SART3: variants seen among roughly 807,000 people sequenced by gnomAD.
SART3 encodes the protein spliceosome associated factor 3, U4/U6 recycling protein.
Under a neutral mutation model 122.3 loss-of-function variants are expected in SART3, and 44 were observed. That is an observed-to-expected ratio of 0.36 (90% CI 0.28 to 0.46). The LOEUF (loss-of-function observed/expected upper bound fraction) is 0.46, where lower values mean the gene tolerates loss of function less well. Among genes scored for constraint, SART3 ranks in the 20% least tolerant of loss-of-function variants. SART3 has a pLI of 1.00. For synonymous variants in SART3, 442 were observed against 454.0 expected, an observed-to-expected ratio of 0.97 and a Z score of 0.34; for missense variants, 1,101 against 1,229.0, an observed-to-expected ratio of 0.90 and a Z score of 1.56.
At chr12:108,557,217 T>TG (rs1411644972) in intron 1 of SART3, among the ~76,000 whole-genome samples, 2 of 143,986 alleles carry the variant, frequency 1.4e-5, no homozygotes, top group African/African-American at 2.6e-5. Flanking sequence ...TTTTTTTTTT[T>TG]TTTTTTTTTT....
At position 108,530,316 on chromosome 12, in the gene SART3, A is replaced by G. The variant is rs1004986979; in HGVS notation, c.1747-6T>C. The G allele has an allele frequency of 1.2e-6, 2 of 1,613,968 alleles. No individual in the cohort carries two copies. The highest frequency in any genetic ancestry group is 1.7e-6 in the Non-Finnish European group (2 of 1,180,026). On this transcript the variant is annotated splice_polypyrimidine_tract_variant and splice_region_variant and intron_variant, in intron 14 of 18. Transcript: ENST00000546815. ...GCTGCTTCCTTCTCTGCAGCCTAGA[A>G]AAGTGGGAAGATGATGCATCGCTGG...
At chr12:108,525,047 C>A (rs1033102998) in intron 17 of SART3, among the ~76,000 whole-genome samples, 2 of 152,180 alleles carry the variant, frequency 1.3e-5, no homozygotes, top group Non-Finnish European at 2.9e-5. Flanking sequence ...GAAGGAAAGA[C>A]AGGAGAAGAG....
In SART3 at chr12:108,523,320, T is replaced by C. The variant is rs541019395; in HGVS notation, c.*137A>G. On this transcript the variant is annotated 3_prime_UTR_variant, in exon 19 of 19. Coordinates refer to ENST00000546815, the MANE Select transcript of SART3 (RefSeq NM_014706.4). ...TTGACTTAGAACCCCTTCCCCTTTCTGTCTAAAGCCGAGGAGCCATCTGTG... is the reference window on the plus strand; with the variant it reads ...TTGACTTAGAACCCCTTCCCCTTTCCGTCTAAAGCCGAGGAGCCATCTGTG... 383 of 903,436 alleles carry C rather than the reference T, an allele frequency of 4.2e-4. 5 individuals carry two copies. In the South Asian group the frequency reaches 5.0e-3, roughly 12 times the overall value. 56.0% of individuals were successfully genotyped at this position (903,436 alleles called of 1,614,324 possible). A position where few individuals can be genotyped will look rare whatever the true frequency, so the allele number is the denominator to read the frequency against.
intron 17 of SART3, 47 bp from the exon 18 acceptor site, chr12:108,524,553 G>A (rs2303632): frequency 1.3e-6 from 2 of 1,583,430 alleles, no homozygotes; most frequent in African/African-American, 1.3e-5. Flanking sequence ...GCAGACTAGG[G>A]ACGCAACCTC....
chr12:108,524,555 C>A, intron 17 of SART3, 49 bp from the exon 18 acceptor site: 1 of 1,560,092 alleles, frequency 6.4e-7, no homozygotes, highest in Non-Finnish European at 8.8e-7. Context: ...AGACTAGGGA[C>A]GCAACCTCCT....
Position 108,526,417 on chromosome 12 carries a change from C to T in SART3, c.2052G>A (p.Lys684=). ...DVEPPSKQKE[K]AASLKRDMPK... ...GCATGTCCCTCTTCAGGGAGGCTGC[C>T]TTCTCCTTCTGCTTCGAAGGGGGCT... The change falls in exon 16 of 19, where the codon AAG becomes AAA. Residue 684 remains lysine, a synonymous_variant. Coordinates refer to ENST00000546815, the MANE Select transcript of SART3 (RefSeq NM_014706.4). 1 of 1,614,162 alleles carries T rather than the reference C, an allele frequency of 6.2e-7. No homozygotes were observed. The highest frequency in any genetic ancestry group is 8.5e-7 in the Non-Finnish European group (1 of 1,180,026).
chr12:108,525,480 TG>T lies in SART3; in HGVS notation c.2499del (p.Thr834ProfsTer25). The part of the protein sequence containing the change: ...AHGTVKDLRL[V>X]TNRAGKPKGL... The stretch of plus-strand genomic sequence containing the variant: ...ACCTTTGGTTTGCCAGCCCGGTTGG[TG>T]ACCAGCCTGAGGTCCTTCACGGTGC... On this transcript the variant is annotated frameshift_variant, in exon 17 of 19. Coordinates refer to ENST00000546815, the MANE Select transcript of SART3 (RefSeq NM_014706.4). LOFTEE classifies it high-confidence loss of function. 6.2e-7 allele frequency: 1 copy of T among 1,614,220 alleles called. No homozygotes were observed. The highest frequency in any genetic ancestry group is 8.5e-7 in the Non-Finnish European group (1 of 1,180,040).
chr12:108,526,449 C>T lies in SART3; in HGVS notation c.2020G>A (p.Asp674Asn). The T allele has an allele frequency of 1.2e-6, 2 of 1,614,228 alleles. No homozygotes were observed. Among genetic ancestry groups the T allele is most frequent in the Non-Finnish European group, 1.7e-6 (2 of 1,180,050 alleles). ...TTCTGCTTCGAAGGGGGCTCCACAT[C>T]TACGGCAGCACATTTCCCAGCGGGC... The part of the protein sequence containing the change: ...AGPAGKCAAV[D>N]VEPPSKQKEK... Residue 674 changes from aspartate (D) to asparagine (N), a missense_variant, in exon 16 of 19, where the codon GAT (aspartate) becomes AAT (asparagine). Coordinates refer to ENST00000546815, the MANE Select transcript of SART3 (RefSeq NM_014706.4).
chr12:108,534,675 T>A (rs1482143955), intron 12 of SART3, among the ~76,000 whole-genome samples: 1 of 151,824 alleles, frequency 6.6e-6, no homozygotes, highest in Non-Finnish European at 1.5e-5. Flanking sequence ...ACTCCCCACC[T>A]CCCCCGAAAA....
chr12:108,532,139 C>T, intron 13 of SART3, 83 bp downstream of exon 13: 2 of 1,184,144 alleles, frequency 1.7e-6, no homozygotes, highest in South Asian at 2.5e-5. Context: ...CAGTCTGTCC[C>T]CAGACTGTAA....
At chr12:108,547,329 T>A (rs564435185) in intron 3 of SART3, among the ~76,000 whole-genome samples, 1 of 152,322 alleles carries the variant, frequency 6.6e-6, no homozygotes, top group South Asian at 2.1e-4. Flanking sequence ...CAGCTCTGTA[T>A]CTGGACTGCA....
intron 18 of SART3, 170 bp downstream of exon 18, chr12:108,524,146 C>T: frequency 1.4e-6 from 1 of 700,680 alleles, no homozygotes. Context: ...TTGCATCCTG[C>T]TCTGGACGCC....
At chr12:108,551,860 A>G (rs1398406228) in intron 1 of SART3, among the ~76,000 whole-genome samples, 1 of 152,216 alleles carries the variant, frequency 6.6e-6, no homozygotes, top group Non-Finnish European at 1.5e-5. Context: ...CAGGTCAAAG[A>G]GGAAGTCTCC....
At chr12:108,548,260 T>A (rs921052059) in intron 2 of SART3, among the ~76,000 whole-genome samples, 3 of 152,244 alleles carry the variant, frequency 2.0e-5, no homozygotes, top group South Asian at 2.1e-4. Context: ...ATCACAATCC[T>A]GTAAGGTTGG....
chr12:108,560,488 G>C (rs965102758), intron 1 of SART3: 1 of 390,008 alleles, frequency 2.6e-6, no homozygotes, highest in East Asian at 3.7e-5. Context: ...TCTACTGTTG[G>C]ACGTGTGGTT....
rs1872861567 is a variant in SART3, at chr12:108,535,415, CATG to C, written c.1497_1499del (p.Ile499del). ...TGGCGTACTTGGCATTTCCTCTGGT[CATG>C]ATGCTATCCCAGAGTTCCCGAGCTT... On this transcript the variant is annotated inframe_deletion, in exon 12 of 19. Coordinates refer to ENST00000546815, the MANE Select transcript of SART3 (RefSeq NM_014706.4). 1.9e-6 allele frequency: 3 copies of C among 1,614,120 alleles called. No homozygotes were observed. The highest frequency in any genetic ancestry group is 2.5e-6 in the Non-Finnish European group (3 of 1,179,996).
chr12:108,533,379 G>C (rs945702699), intron 12 of SART3, among the ~76,000 whole-genome samples: 2 of 115,528 alleles, frequency 1.7e-5, no homozygotes, highest in Admixed American at 2.0e-4. Flanking sequence ...GAAGTACAAT[G>C]GTTATTGCCA....
chr12:108,526,647 T>C, intron 15 of SART3, 94 bp from the exon 16 acceptor site: 1 of 1,312,590 alleles, frequency 7.6e-7, no homozygotes, highest in Admixed American at 1.7e-5. Context: ...CTGTGACAGC[T>C]GCATGTGACA....
In SART3 at chr12:108,548,033, G is replaced by A. The variant is rs377079326; in HGVS notation, c.440-42C>T. 8.4e-6 allele frequency: 13 copies of A among 1,539,256 alleles called. No individual in the cohort carries two copies. The Admixed American group carries it at 1.8e-4, about 22-fold the overall frequency. ...CTTCCCGCATTAATACCAAAGGGTA[G>A]GCTAAGCGCAGGGACTTTACCAAGA... On this transcript the variant is annotated intron_variant, in intron 2 of 18. Transcript: ENST00000546815.
Sources: allele counts gnomAD v4.1 joint callset (sites outside exome capture counted in the v4.1 genomes callset), GRCh38; gene constraint gnomAD v4.1.1; transcripts MANE v1.5; gene names NCBI Gene and HGNC (gene_info 2026-07-23, HGNC 2026-07-21).